DPP6: variants seen among roughly 807,000 people sequenced by gnomAD.
DPP6 encodes A-type potassium channel modulatory protein DPP6.
DPP6 carries 69 observed loss-of-function variants against 122.6 expected under a neutral mutation model. The ratio of observed to expected loss-of-function variants is 0.56; its 90% CI spans 0.46 to 0.69. The LOEUF (loss-of-function observed/expected upper bound fraction) is 0.69, where lower values mean the gene tolerates loss of function less well. Among genes scored for constraint, DPP6 ranks in the 30% least tolerant of loss-of-function variants. The pLI is 0.00. For synonymous variants in DPP6, 418 were observed against 433.1 expected (o/e 0.97, Z 0.43); for missense variants, 928 against 1,116.9 (o/e 0.83, Z 2.41).
In DPP6 at chr7:154,438,303, T is replaced by TA. The variant is rs536322315; in HGVS notation, c.244-7904dup. Among the ~76,000 whole-genome samples the TA allele has an allele frequency of 4.9e-4, 74 of 150,652 alleles. No homozygotes were observed. In the South Asian group the frequency reaches 0.014, roughly 28 times the overall value. Reference sequence around the variant, plus strand: ...TGACACGGTGAAACCCCGTCTCGACTAAAAAAATACAAAAAAATTAGCCGG... The same window carrying TA: ...TGACACGGTGAAACCCCGTCTCGACTAAAAAAAATACAAAAAAATTAGCCGG... On this transcript the variant is annotated intron_variant, in intron 1 of 25. Coordinates refer to ENST00000377770, the MANE Select transcript of DPP6 (RefSeq NM_130797.4).
rs1212773549 is a variant in DPP6 at position 154,863,511 on chromosome 7, A to G, written c.1715-4484A>G. On this transcript the variant is annotated intron_variant, in intron 17 of 25. Coordinates refer to ENST00000377770, the MANE Select transcript of DPP6 (RefSeq NM_130797.4). The surrounding 1 kb of genome is among the most constrained non-coding windows in gnomAD (Gnocchi z 4.1). ...ACTGGGACCACAGGTGTGTGCCACCATGCCTGGATTTTTTTATGTTTATAT... is the reference window on the plus strand; with the variant it reads ...ACTGGGACCACAGGTGTGTGCCACCGTGCCTGGATTTTTTTATGTTTATAT... Among the ~76,000 whole-genome samples, 1 of 151,702 alleles carries G rather than the reference A, an allele frequency of 6.6e-6. No individual in the cohort carries two copies. The highest frequency in any genetic ancestry group is 1.5e-5 in the Non-Finnish European group (1 of 67,958).
chr7:154,160,262 A>G (rs1796912523), intron 1 of DPP6, among the ~76,000 whole-genome samples: 1 of 152,136 alleles, frequency 6.6e-6, no homozygotes, highest in Non-Finnish European at 1.5e-5. Flanking sequence ...CTGAATCAAT[A>G]GTCAAGCATC....
At chr7:154,687,355 T>A (rs1361813016) in intron 7 of DPP6, among the ~76,000 whole-genome samples, 1 of 152,240 alleles carries the variant, frequency 6.6e-6, no homozygotes, top group Non-Finnish European at 1.5e-5. Context: ...TTAAATGTAT[T>A]TACAGTTTTG....
the DPP6 span, among the ~76,000 whole-genome samples, chr7:153,876,800 C>T: frequency 6.6e-6 from 1 of 152,084 alleles, no homozygotes; most frequent in Non-Finnish European, 1.5e-5. Context: ...AGCTCCTATA[C>T]TACAAACCTG....
At chr7:153,787,495 T>C in the DPP6 span, among the ~76,000 whole-genome samples, 1 of 135,006 alleles carries the variant, frequency 7.4e-6, no homozygotes, top group Admixed American at 7.4e-5. Flanking sequence ...GCACAGTGGC[T>C]TATGCCTAGC....
intron 7 of DPP6, among the ~76,000 whole-genome samples, chr7:154,674,660 A>G (rs1838776464): frequency 2.0e-5 from 3 of 152,220 alleles, no homozygotes; most frequent in Admixed American, 6.5e-5. Flanking sequence ...AGAGCTTTGA[A>G]TGGGAAATTT....
At chr7:153,965,415 G>A (rs368641052) in intron 1 of DPP6, among the ~76,000 whole-genome samples, 122 of 152,184 alleles carry the variant, frequency 8.0e-4, no homozygotes, top group Middle Eastern at 3.4e-3. Flanking sequence ...TGAAGCCAAG[G>A]TCCCTGCAGT....
At chr7:153,973,902 G>C (rs1365460556) in intron 1 of DPP6, among the ~76,000 whole-genome samples, 1 of 150,662 alleles carries the variant, frequency 6.6e-6, no homozygotes, top group Non-Finnish European at 1.5e-5. Flanking sequence ...TTAGAAGGCA[G>C]GAGTTCTTAG....
Position 154,657,044 on chromosome 7 carries a change from G to A in DPP6, c.681-12316G>A, listed in dbSNP as rs13310445. Among the ~76,000 whole-genome samples, 29 of 11,156 alleles carry A rather than the reference G, an allele frequency of 2.6e-3. 1 individual carries two copies. Among genetic ancestry groups the A allele is most frequent in the Non-Finnish European group, 6.1e-3 (12 of 1,960 alleles). 7.3% of individuals were successfully genotyped at this position (11,156 alleles called of 152,430 possible). A position where few individuals can be genotyped will look rare whatever the true frequency, so the allele number is the denominator to read the frequency against. On this transcript the variant is annotated intron_variant, in intron 6 of 25. Coordinates refer to ENST00000377770, the MANE Select transcript of DPP6 (RefSeq NM_130797.4). ...GAGTGGAGAGGCTGCGTGGGAGGAG[G>A]TGCTCATGGGTGGGTGGAGAGGCTG...
At chr7:154,281,265 G>A (rs896461607) in intron 1 of DPP6, among the ~76,000 whole-genome samples, 7 of 151,922 alleles carry the variant, frequency 4.6e-5, no homozygotes, top group South Asian at 4.2e-4. Flanking sequence ...CGCCCGCTTC[G>A]ACCTCCCCTA....
chr7:154,123,066 A>G (rs1180382719), intron 1 of DPP6, among the ~76,000 whole-genome samples: 1 of 152,168 alleles, frequency 6.6e-6, no homozygotes, highest in Non-Finnish European at 1.5e-5. Flanking sequence ...GGACACCTGG[A>G]CTGGCAAGAC....
chr7:154,695,579 G>A (rs1840170728), intron 7 of DPP6, among the ~76,000 whole-genome samples: 1 of 152,142 alleles, frequency 6.6e-6, no homozygotes, highest in South Asian at 2.1e-4. Context: ...TTGGTGTTTT[G>A]TGAGTTTGGA....
chr7:154,154,777 A>C (rs1478076462), intron 1 of DPP6, among the ~76,000 whole-genome samples: 3 of 152,240 alleles, frequency 2.0e-5, no homozygotes, highest in African/African-American at 7.2e-5. Context: ...TACTGCATAC[A>C]TGCATGTACA....
chr7:154,847,848 G>T (rs1802064825), intron 16 of DPP6, among the ~76,000 whole-genome samples: 1 of 152,044 alleles, frequency 6.6e-6, no homozygotes, highest in African/African-American at 2.4e-5. Context: ...TCAGCCTCTG[G>T]TAACCATCTT....
At chr7:154,311,932 G>A (rs1449276366) in intron 1 of DPP6, among the ~76,000 whole-genome samples, 1 of 152,178 alleles carries the variant, frequency 6.6e-6, no homozygotes, top group African/African-American at 2.4e-5. Context: ...TTTCCTGAGA[G>A]CATTTGCAAT....
chr7:154,867,699 A>T (rs1804003230), intron 17 of DPP6, among the ~76,000 whole-genome samples: 1 of 152,202 alleles, frequency 6.6e-6, no homozygotes, highest in South Asian at 2.1e-4. Flanking sequence ...ATCATACCAA[A>T]ACCTGTGCGT....
At chr7:154,106,066 C>A (rs1343600371) in intron 1 of DPP6, among the ~76,000 whole-genome samples, 1 of 152,070 alleles carries the variant, frequency 6.6e-6, no homozygotes. Flanking sequence ...CTGCCCACTC[C>A]ATCTCCACAG....
At chr7:154,000,522 G>A (rs1797641783) in intron 1 of DPP6, among the ~76,000 whole-genome samples, 1 of 152,202 alleles carries the variant, frequency 6.6e-6, no homozygotes, top group Admixed American at 6.5e-5. Flanking sequence ...AATGCACCCT[G>A]CGTATGTATG....
chr7:153,975,975 T>G (rs1453137344), intron 1 of DPP6, among the ~76,000 whole-genome samples: 1 of 152,178 alleles, frequency 6.6e-6, no homozygotes, highest in Non-Finnish European at 1.5e-5. Flanking sequence ...GAAAAGCTCT[T>G]TAACAAGTGC....
Sources: allele counts gnomAD v4.1 joint callset (sites outside exome capture counted in the v4.1 genomes callset), GRCh38; gene constraint gnomAD v4.1.1; non-coding constraint Gnocchi (gnomAD v3.1); transcripts MANE v1.5; gene names NCBI Gene and HGNC (gene_info 2026-07-23, HGNC 2026-07-21).